The following HNRNPF variants were observed in gnomAD, a reference collection of about 807,000 sequenced individuals.
HNRNPF encodes heterogeneous nuclear ribonucleoprotein F.
HNRNPF carries 2 observed loss-of-function variants against 26.0 expected under a neutral mutation model. The ratio of observed to expected loss-of-function variants is 0.08; its 90% confidence interval spans 0.03 to 0.24. HNRNPF has a LOEUF of 0.24. Ranked by LOEUF, HNRNPF falls within the 10% of genes least tolerant of loss-of-function variation. The probability of loss-of-function intolerance (pLI) is 1.00; values close to 1 mark genes in which losing one functional copy is unlikely to be tolerated. For synonymous variants in HNRNPF, 234 were observed against 211.5 expected (o/e 1.11, Z -0.92); for missense variants, 299 against 539.2 (o/e 0.55, Z 4.41).
chr10:43,388,149 G>A (rs1160766929), intron 3 of HNRNPF, among the ~76,000 whole-genome samples: 1 of 152,122 alleles, frequency 6.6e-6, no homozygotes, highest in Non-Finnish European at 1.5e-5. Context: ...ATGTGAATGT[G>A]GTGCCTTGAA....
rs1838020416 is a variant in HNRNPF, at chr10:43,386,314, CT to C, written c.*322del. ...CTTTGAGTTTTCCAAAAAAGCACGT[CT>C]CCCCAGTGTGTTCACTGTGATGTGG... On this transcript the variant is annotated 3_prime_UTR_variant, in exon 4 of 4. Coordinates refer to ENST00000682386, the MANE Select transcript of HNRNPF (RefSeq NM_001098204.2). The C allele has an allele frequency of 4.9e-6, 1 of 205,190 alleles. No individual in the cohort carries two copies. The highest frequency in any genetic ancestry group is 9.6e-6 in the Non-Finnish European group (1 of 103,726). The allele number at this position is 205,190 out of a possible 1,614,324, so 12.7% of individuals were successfully genotyped here.
intron 3 of HNRNPF, among the ~76,000 whole-genome samples, chr10:43,394,318 C>G (rs954235118): frequency 3.9e-5 from 6 of 152,214 alleles, no homozygotes; most frequent in African/African-American, 1.4e-4. Flanking sequence ...TGTTTTGCAT[C>G]AGGAAATGTT....
intron 1 of HNRNPF, among the ~76,000 whole-genome samples, chr10:43,400,497 T>C (rs11819010): frequency 0.028 from 4,255 of 152,306 alleles, 96 homozygotes; most frequent in South Asian, 0.04. Context: ...GAGCAGATCA[T>C]AGACCATATT....
intron 3 of HNRNPF, among the ~76,000 whole-genome samples, chr10:43,391,193 T>A (rs549649063): frequency 6.6e-6 from 1 of 151,770 alleles, no homozygotes; most frequent in Non-Finnish European, 1.5e-5. Context: ...CTTGGGAGGC[T>A]GAGGCAGGAG....
At chr10:43,401,507 A>G (rs575954520) in intron 1 of HNRNPF, among the ~76,000 whole-genome samples, 1 of 152,328 alleles carries the variant, frequency 6.6e-6, no homozygotes, top group African/African-American at 2.4e-5. Flanking sequence ...CGTTAATAAA[A>G]AGCAAAACTG....
intron 1 of HNRNPF, among the ~76,000 whole-genome samples, chr10:43,399,242 C>T (rs1045485274): frequency 6.6e-6 from 1 of 151,932 alleles, no homozygotes; most frequent in African/African-American, 2.4e-5. Context: ...GCCACCAAGC[C>T]GGGCTAATTT....
At chr10:43,397,503 A>T (rs958087116) in intron 1 of HNRNPF, among the ~76,000 whole-genome samples, 1 of 152,214 alleles carries the variant, frequency 6.6e-6, no homozygotes, top group African/African-American at 2.4e-5. Context: ...AGCCACGGGG[A>T]AGGGCGGGCA....
At chr10:43,390,775 C>T (rs191200882) in intron 3 of HNRNPF, among the ~76,000 whole-genome samples, 15 of 152,274 alleles carry the variant, frequency 9.9e-5, no homozygotes, top group African/African-American at 2.9e-4. Flanking sequence ...CCAGGCGAAA[C>T]GGTGCCTCTA....
chr10:43,396,439 T>C lies in HNRNPF; in HGVS notation c.-112+17A>G, dbSNP rs369793700. On this transcript the variant is annotated intron_variant, in intron 2 of 3. Transcript: ENST00000682386. ...TCCACCCGGCCGGGCCCGCGGACTT[T>C]CATGCTCTAGACTTACCACGGAGGC... 9 of 152,320 alleles carry C rather than the reference T, an allele frequency of 5.9e-5. No individual in the cohort carries two copies. The highest frequency in any genetic ancestry group is 1.9e-4 in the East Asian group (1 of 5,140). The allele number at this position is 152,320 out of a possible 1,614,324, so 9.4% of individuals were successfully genotyped here. A position where few individuals can be genotyped will look rare whatever the true frequency, so the allele number is the denominator to read the frequency against.
chr10:43,391,440 G>A (rs567051984), intron 3 of HNRNPF, among the ~76,000 whole-genome samples: 5 of 151,836 alleles, frequency 3.3e-5, no homozygotes, highest in South Asian at 4.2e-4. Flanking sequence ...CCCGGGTGAC[G>A]GAGCGAGACT....
intron 1 of HNRNPF, among the ~76,000 whole-genome samples, chr10:43,401,116 C>G (rs1036274863): frequency 4.6e-5 from 7 of 151,814 alleles, no homozygotes; most frequent in Admixed American, 6.6e-5. Context: ...GCAGATGGAG[C>G]ATATATTAAC....
rs1838390199 is a variant in HNRNPF at position 43,394,665 on chromosome 10, A to T, written c.-88T>A. ...ACCACGGATGCCTTCAGTGGGAGAC[A>T]CTTCTGGATGGTAATGAAATGTCCT... On this transcript the variant is annotated 5_prime_UTR_variant, in exon 3 of 4. Coordinates refer to ENST00000682386, the MANE Select transcript of HNRNPF (RefSeq NM_001098204.2). The T allele has an allele frequency of 6.6e-6, 1 of 152,100 alleles. No individual in the cohort carries two copies. Among genetic ancestry groups the T allele is most frequent in the African/African-American group, 2.4e-5 (1 of 41,408 alleles). 9.4% of individuals were successfully genotyped at this position (152,100 alleles called of 1,614,324 possible).
chr10:43,392,494 G>A (rs1372622197), intron 3 of HNRNPF, among the ~76,000 whole-genome samples: 1 of 152,166 alleles, frequency 6.6e-6, no homozygotes, highest in Admixed American at 6.5e-5. Context: ...AGCTGAGATC[G>A]TGCCACTGCA....
chr10:43,392,367 C>T (rs1378735483), intron 3 of HNRNPF, among the ~76,000 whole-genome samples: 13 of 152,042 alleles, frequency 8.6e-5, no homozygotes, highest in African/African-American at 1.9e-4. Flanking sequence ...GGTGAAACCC[C>T]GTCTCTACTA....
chr10:43,397,587 C>T (rs2131980887), intron 1 of HNRNPF, among the ~76,000 whole-genome samples: 1 of 152,172 alleles, frequency 6.6e-6, no homozygotes, highest in East Asian at 1.9e-4. Context: ...ATGGAACTAG[C>T]GGACGTACCT....
chr10:43,404,558 G>A (rs1046267700), intron 1 of HNRNPF, among the ~76,000 whole-genome samples: 7 of 151,928 alleles, frequency 4.6e-5, no homozygotes, highest in African/African-American at 1.7e-4. Context: ...ACTCTCATCT[G>A]AATCAAAACT....
rs1217181879 is a variant in HNRNPF at position 43,396,092 on chromosome 10, C to CA, written c.-112+363dup. ...GGTGGGGGCTAAGAATCTGCATTTCCAAAAAGCGCTCCCGAACGAGCTCTT... is the reference window on the plus strand; with the variant it reads ...GGTGGGGGCTAAGAATCTGCATTTCCAAAAAAGCGCTCCCGAACGAGCTCTT... On this transcript the variant is annotated intron_variant, in intron 2 of 3. Transcript: ENST00000682386. 4.6e-5 allele frequency among the ~76,000 whole-genome samples: 7 copies of CA among 152,278 alleles called. No individual in the cohort carries two copies. In the South Asian group the frequency reaches 8.3e-4, roughly 18 times the overall value.
intron 1 of HNRNPF, among the ~76,000 whole-genome samples, chr10:43,399,020 C>T (rs1352392619): frequency 1.3e-5 from 2 of 152,056 alleles, no homozygotes; most frequent in East Asian, 3.8e-4. Context: ...TAAAATAAAG[C>T]AATTAAGTTT....
rs1838001640 is a variant in HNRNPF, at chr10:43,385,812, C to A, written c.*825G>T. On this transcript the variant is annotated 3_prime_UTR_variant, in exon 4 of 4. Transcript: ENST00000682386. ...GGGCCGTGTGTCTATTTGATGCTTC[C>A]CAGAATGTGTGCTGCTAGTCACCAT... The A allele has an allele frequency of 6.6e-6, 1 of 152,246 alleles. No individual in the cohort carries two copies. Among genetic ancestry groups the A allele is most frequent in the Non-Finnish European group, 1.5e-5 (1 of 68,030 alleles). The allele number at this position is 152,246 out of a possible 1,614,324, so 9.4% of individuals were successfully genotyped here.
Sources: allele counts gnomAD v4.1 joint callset (sites outside exome capture counted in the v4.1 genomes callset), GRCh38; gene constraint gnomAD v4.1.1; transcripts MANE v1.5; gene names NCBI Gene and HGNC (gene_info 2026-07-23, HGNC 2026-07-21).